The following CEP85L variants were observed in gnomAD, a reference collection of about 807,000 sequenced individuals.
CEP85L encodes centrosomal protein of 85 kDa-like.
In CEP85L, 60 loss-of-function variants were observed where a neutral mutation model predicts 100.3. That is an observed-to-expected ratio of 0.60 (90% CI 0.49 to 0.74). The LOEUF (loss-of-function observed/expected upper bound fraction) is 0.74. Ranked by LOEUF, CEP85L falls within the 30% of genes least tolerant of loss-of-function variation. The pLI, the probability that CEP85L is intolerant of heterozygous loss-of-function variation, is 0.00. For synonymous variants in CEP85L, 319 were observed against 322.7 expected, an observed-to-expected ratio of 0.99 and a Z score of 0.12; for missense variants, 973 against 936.2, an observed-to-expected ratio of 1.04 and a Z score of -0.51.
upstream of CEP85L, among the ~76,000 whole-genome samples, chr6:118,655,096 C>T (rs1459019623): frequency 6.6e-6 from 1 of 152,132 alleles, no homozygotes; most frequent in Non-Finnish European, 1.5e-5. Context: ...TTCATAGAAA[C>T]CTTCATTCTA....
intron 5 of CEP85L, chr6:118,501,607 T>A: frequency 1.7e-6 from 1 of 600,780 alleles, no homozygotes; most frequent in Middle Eastern, 5.3e-4. Flanking sequence ...CAATATGTAC[T>A]AATGCCATGA....
chr6:118,572,570 CAAAT>C (rs1415496385), intron 2 of CEP85L, among the ~76,000 whole-genome samples: 6 of 150,776 alleles, frequency 4.0e-5, no homozygotes, highest in Non-Finnish European at 5.9e-5. Context: ...GACTCTGTCT[CAAAT>C]AAATAAATAA....
At chr6:118,649,832 T>C (rs1351283327) in intron 1 of CEP85L, among the ~76,000 whole-genome samples, 1 of 152,258 alleles carries the variant, frequency 6.6e-6, no homozygotes, top group Non-Finnish European at 1.5e-5. Context: ...AATCATTCAT[T>C]AACATACATT....
At chr6:118,646,463 G>C (rs1284053782) in intron 1 of CEP85L, among the ~76,000 whole-genome samples, 2 of 151,850 alleles carry the variant, frequency 1.3e-5, no homozygotes, top group African/African-American at 4.8e-5. Flanking sequence ...GAGGTCAGGA[G>C]TTCAAGACCA....
chr6:118,466,350 G>A (rs565591348), intron 12 of CEP85L, among the ~76,000 whole-genome samples: 3 of 152,320 alleles, frequency 2.0e-5, no homozygotes, highest in African/African-American at 7.2e-5. Flanking sequence ...CTGAACATCT[G>A]CCATGATATA....
chr6:118,585,801 C>A (rs1423490115), intron 2 of CEP85L, among the ~76,000 whole-genome samples: 1 of 152,160 alleles, frequency 6.6e-6, no homozygotes, highest in East Asian at 1.9e-4. Context: ...CCTGAACAGG[C>A]GACTCCTTCC....
At chr6:118,467,507 T>C (rs1772616940) in intron 12 of CEP85L, among the ~76,000 whole-genome samples, 1 of 152,138 alleles carries the variant, frequency 6.6e-6, no homozygotes, top group Admixed American at 6.6e-5. Flanking sequence ...ACAAATCAAC[T>C]GGCTGGTAAA....
At position 118,461,686 on chromosome 6, in the gene CEP85L, T is replaced by C. The variant is rs1156932882; in HGVS notation, c.*3719A>G. 2 of 152,068 alleles carry C rather than the reference T, an allele frequency of 1.3e-5. No individual in the cohort carries two copies. Among genetic ancestry groups the C allele is most frequent in the Non-Finnish European group, 2.9e-5 (2 of 67,936 alleles). 9.4% of individuals were successfully genotyped at this position (152,068 alleles called of 1,614,324 possible). On this transcript the variant is annotated 3_prime_UTR_variant, in exon 13 of 13. Coordinates refer to ENST00000368491, the MANE Select transcript of CEP85L (RefSeq NM_001042475.3). ...TAATCATATGGCAATATGCCACCCATGGCATTTTGGGGCAAAGTTGGAAAT... is the reference window on the plus strand; with the variant it reads ...TAATCATATGGCAATATGCCACCCACGGCATTTTGGGGCAAAGTTGGAAAT...
At chr6:118,528,205 T>C (rs1261376638) in intron 3 of CEP85L, among the ~76,000 whole-genome samples, 1 of 145,912 alleles carries the variant, frequency 6.9e-6, no homozygotes, top group Non-Finnish European at 1.5e-5. Flanking sequence ...GTGGCTTTTC[T>C]TTTCTTTTTC....
chr6:118,546,963 T>C (rs911240543), intron 3 of CEP85L, among the ~76,000 whole-genome samples: 1 of 152,146 alleles, frequency 6.6e-6, no homozygotes, highest in African/African-American at 2.4e-5. Context: ...TCTTTAAATA[T>C]CAAATGATTT....
chr6:118,591,110 A>G (rs1328374765), intron 2 of CEP85L, among the ~76,000 whole-genome samples: 3 of 152,208 alleles, frequency 2.0e-5, no homozygotes, highest in Non-Finnish European at 2.9e-5. Flanking sequence ...TGAATGAATG[A>G]TATATACTGA....
chr6:118,598,477 T>G (rs1195441811), intron 2 of CEP85L, among the ~76,000 whole-genome samples: 2 of 152,178 alleles, frequency 1.3e-5, no homozygotes, highest in African/African-American at 2.4e-5. Context: ...GGGTGAGCCC[T>G]AAGTCCACTT....
intron 2 of CEP85L, among the ~76,000 whole-genome samples, chr6:118,592,435 CAT>C (rs1212442031): frequency 6.9e-6 from 1 of 145,238 alleles, no homozygotes; most frequent in East Asian, 2.1e-4. Flanking sequence ...TAATGTGTAA[CAT>C]ATTGCAAAAT....
At chr6:118,556,061 C>T (rs1312573324) in intron 3 of CEP85L, among the ~76,000 whole-genome samples, 1 of 152,104 alleles carries the variant, frequency 6.6e-6, no homozygotes, top group East Asian at 1.9e-4. Context: ...CTGATGAGCA[C>T]TTAGGCCGGT....
intron 3 of CEP85L, among the ~76,000 whole-genome samples, chr6:118,546,009 T>C (rs1778178989): frequency 6.7e-6 from 1 of 149,906 alleles, no homozygotes; most frequent in African/African-American, 2.5e-5. Context: ...AAAAATTTTC[T>C]AGCCTCTAGC....
intron 4 of CEP85L, among the ~76,000 whole-genome samples, chr6:118,522,792 T>C (rs1192989253): frequency 6.6e-6 from 1 of 151,034 alleles, no homozygotes; most frequent in Non-Finnish European, 1.5e-5. Context: ...CGCACAAGAA[T>C]CACTTGAGCC....
chr6:118,701,967 C>T (rs1777424376), intron 1 of CEP85L, among the ~76,000 whole-genome samples: 1 of 152,070 alleles, frequency 6.6e-6, no homozygotes, highest in Non-Finnish European at 1.5e-5. Context: ...TCTATTGAAG[C>T]TAAAAATGTT....
At chr6:118,626,538 A>C (rs1423671704) in intron 2 of CEP85L, among the ~76,000 whole-genome samples, 1 of 152,226 alleles carries the variant, frequency 6.6e-6, no homozygotes, top group Non-Finnish European at 1.5e-5. Context: ...GTCACAAAAT[A>C]ATTTACTGCC....
rs1453261022 is a variant in CEP85L at position 118,463,030 on chromosome 6, T to C, written c.*2375A>G. On this transcript the variant is annotated 3_prime_UTR_variant, in exon 13 of 13. Transcript: ENST00000368491. ...AACTCCCTTTTTTATGGGGGGAGGG[T>C]ACAGATTTTGGAAACTGAAATGCAT... The C allele has an allele frequency of 6.6e-6, 1 of 151,760 alleles. No homozygotes were observed. The highest frequency in any genetic ancestry group is 1.5e-5 in the Non-Finnish European group (1 of 67,834). 9.4% of individuals were successfully genotyped at this position (151,760 alleles called of 1,614,324 possible).
Sources: allele counts gnomAD v4.1 joint callset (sites outside exome capture counted in the v4.1 genomes callset), GRCh38; gene constraint gnomAD v4.1.1; transcripts MANE v1.5; gene names NCBI Gene and HGNC (gene_info 2026-07-23, HGNC 2026-07-21).